The following HCRTR1 variants were observed in gnomAD, a reference collection of about 807,000 sequenced individuals.
HCRTR1 encodes the protein orexin/Hypocretin receptor type 1.
Under a neutral mutation model 40.6 loss-of-function variants are expected in HCRTR1, and 28 were observed. The ratio of observed to expected loss-of-function variants is 0.69; its 90% CI spans 0.51 to 0.95. HCRTR1 has a LOEUF of 0.95. Ranked by LOEUF, HCRTR1 falls within the 40% of genes least tolerant of loss-of-function variation. The pLI, the probability that HCRTR1 is intolerant of heterozygous loss-of-function variation, is 0.00. For missense variants in HCRTR1, 482 were observed against 564.7 expected, an observed-to-expected ratio of 0.85 and a Z score of 1.48; for synonymous variants, 209 against 230.0, an observed-to-expected ratio of 0.91 and a Z score of 0.83.
At chr1:31,632,387 T>G (rs763593675), downstream of HCRTR1, 4 of 1,562,990 alleles carry the variant, frequency 2.6e-6, no homozygotes, top group Admixed American at 1.7e-5. Context: ...CATTTTGTAG[T>G]GCAGGTGGAC....
chr1:31,622,624 G>T (rs148568212), intron 6 of HCRTR1, among the ~76,000 whole-genome samples: 2 of 152,304 alleles, frequency 1.3e-5, no homozygotes, highest in African/African-American at 4.8e-5. Flanking sequence ...CATAGCTCAC[G>T]AATGGCTGAG....
At position 31,623,708 on chromosome 1, in the gene HCRTR1, C is replaced by T. The variant is rs779965218; in HGVS notation, c.924C>T (p.Ala308=). Residue 308 remains alanine, a synonymous_variant, in exon 7 of 9, where the codon GCC becomes GCT. Coordinates refer to ENST00000403528, the MANE Select transcript of HCRTR1 (RefSeq NM_001525.3). The part of the protein sequence containing the change: ...KMLMVVLLVF[A]LCYLPISVLN... ...TGATGGTGGTGCTGCTGGTCTTCGCCCTCTGCTACCTGCCCATCAGCGTCC... is the reference window on the plus strand; with the variant it reads ...TGATGGTGGTGCTGCTGGTCTTCGCTCTCTGCTACCTGCCCATCAGCGTCC... 6.2e-7 allele frequency: 1 copy of T among 1,614,176 alleles called. No homozygotes were observed. Among genetic ancestry groups the T allele is most frequent in the South Asian group, 1.1e-5 (1 of 91,084 alleles).
At position 31,626,960 on chromosome 1, in the gene HCRTR1, G is replaced by A. The variant is rs377345441; in HGVS notation, c.1258G>A (p.Val420Ile). The A allele has an allele frequency of 7.5e-5, 121 of 1,612,526 alleles. No individual in the cohort carries two copies. Among genetic ancestry groups the A allele is most frequent in the Admixed American group, 1.0e-4 (6 of 59,988 alleles). ...CTCTGAGCATGTGGTGCTCACCAGC[G>A]TCACCACAGTGCTGCCCTGAGCGAG... ...KISEHVVLTS[V>I]TTVLP The change falls in exon 9 of 9, where the codon GTC (valine) becomes ATC (isoleucine). Residue 420 changes from valine to isoleucine, a missense_variant. Physicochemically the swap from Val to Ile is conservative, Grantham distance 29. Coordinates refer to ENST00000403528, the MANE Select transcript of HCRTR1 (RefSeq NM_001525.3). This position sits in a 1 kb window ranked among gnomAD's most constrained non-coding sequence, Gnocchi z 4.6.
chr1:31,629,635 T>C (rs541109027), downstream of HCRTR1, among the ~76,000 whole-genome samples: 12 of 152,288 alleles, frequency 7.9e-5, no homozygotes, highest in Non-Finnish European at 4.4e-5. Flanking sequence ...TGCTATGAAA[T>C]AGCTTCCTAA....
chr1:31,632,330 G>C, downstream of HCRTR1: 2 of 1,221,596 alleles, frequency 1.6e-6, no homozygotes, highest in African/African-American at 1.5e-5. Flanking sequence ...CAGTGCCCCA[G>C]CTGGGTCAAA....
Position 31,619,708 on chromosome 1 carries a change from C to T in HCRTR1, c.376C>T (p.Gln126Ter), listed in dbSNP as rs1316880316. ...HALCKVIPYLQAVSVSVAVLT... is the reference protein window; with the variant it reads ...HALCKVIPYL ...CCTCTGCAAGGTCATCCCCTATCTA[C>T]AGGTGAGCTCTGCCCAGGCACCCCT... Residue 126 changes from glutamine (Q) to a stop codon, truncating the protein, a stop_gained and splice_region_variant, in exon 4 of 9, where the codon CAG becomes TAG. Transcript: ENST00000403528. LOFTEE classifies it high-confidence loss of function. 3 of 1,592,680 alleles carry T rather than the reference C, an allele frequency of 1.9e-6. No individual in the cohort carries two copies. The highest frequency in any genetic ancestry group is 2.6e-6 in the Non-Finnish European group (3 of 1,167,030).
Position 31,621,605 on chromosome 1 carries a change from C to T in HCRTR1, c.738+13C>T, listed in dbSNP as rs1180587846. ...CTGGGGCCGCCAGGTGAGGCCCACT[C>T]TGGGCAGGGGCTAGGCCAGTCACTG... On this transcript the variant is annotated intron_variant, in intron 6 of 8. Coordinates refer to ENST00000403528, the MANE Select transcript of HCRTR1 (RefSeq NM_001525.3). The T allele has an allele frequency of 6.3e-7, 1 of 1,583,434 alleles. No individual in the cohort carries two copies.
chr1:31,621,708 C>A, intron 6 of HCRTR1, 116 bp downstream of exon 6: 1 of 757,738 alleles, frequency 1.3e-6, no homozygotes, highest in Non-Finnish European at 2.2e-6. Flanking sequence ...ATCTTGGCTG[C>A]AACCAAAGAG....
At chr1:31,628,473 G>C (rs1224398359), downstream of HCRTR1, among the ~76,000 whole-genome samples, 2 of 152,350 alleles carry the variant, frequency 1.3e-5, no homozygotes, top group Non-Finnish European at 2.9e-5. Flanking sequence ...ACAGTGCATA[G>C]GTAGGCTTGG....
chr1:31,627,471 C>A lies in HCRTR1; in HGVS notation c.*491C>A. 1.3e-6 allele frequency: 1 copy of A among 757,818 alleles called. No homozygotes were observed. The highest frequency in any genetic ancestry group is 2.0e-6 in the Non-Finnish European group (1 of 506,478). 46.9% of individuals were successfully genotyped at this position (757,818 alleles called of 1,614,324 possible). A position where few individuals can be genotyped will look rare whatever the true frequency, so the allele number is the denominator to read the frequency against. ...GCCTTTCTCCAGCGGGCCACGAGCA[C>A]AGCCCCACCCTAACCAGGTGCCAAG... On this transcript the variant is annotated 3_prime_UTR_variant, in exon 9 of 9. Coordinates refer to ENST00000403528, the MANE Select transcript of HCRTR1 (RefSeq NM_001525.3).
chr1:31,625,270 A>AG lies in HCRTR1; in HGVS notation c.1087+152_1087+153insG. On this transcript the variant is annotated intron_variant, in intron 8 of 8. Transcript: ENST00000403528. The surrounding 1 kb of genome is among the most constrained non-coding windows in gnomAD (Gnocchi z 4.2). ...ATCCTGCTCTGGGAGGACCCACCCC[A>AG]AGCGGCCCTGGCCTGAGTGGGAGAC... 1.0e-6 allele frequency: 1 copy of AG among 988,384 alleles called. No individual in the cohort carries two copies. The highest frequency in any genetic ancestry group is 1.4e-6 in the Non-Finnish European group (1 of 705,608). 61.2% of individuals were successfully genotyped at this position (988,384 alleles called of 1,614,324 possible).
At chr1:31,618,416 A>C (rs1466049043) in intron 1 of HCRTR1, among the ~76,000 whole-genome samples, 1 of 152,030 alleles carries the variant, frequency 6.6e-6, no homozygotes, top group Non-Finnish European at 1.5e-5. Flanking sequence ...CCCTCCGCGC[A>C]CCACCCCCAC....
downstream of HCRTR1, chr1:31,629,793 TGTACTTAAATA>T (rs1430404956): frequency 6.6e-6 from 1 of 152,238 alleles, no homozygotes; most frequent in Non-Finnish European, 1.5e-5. Context: ...GTGTATAGGA[TGTACTTAAATA>T]GTCACTGAAA....
Position 31,619,331 on chromosome 1 carries a change from T to C in HCRTR1, c.139T>C (p.Trp47Arg), listed in dbSNP as rs1186974313. 6.2e-7 allele frequency: 1 copy of C among 1,614,182 alleles called. No homozygotes were observed. The highest frequency in any genetic ancestry group is 2.2e-5 in the East Asian group (1 of 44,878). The change falls in exon 3 of 9, where the codon TGG becomes CGG. Residue 47 changes from tryptophan (W) to arginine (R), a missense_variant. Transcript: ENST00000403528. ...TTATCTGTACCCAAAACAGTATGAG[T>C]GGGTCCTCATCGCAGCCTATGTGGC... ...RDYLYPKQYE[W>R]VLIAAYVAVF...
At chr1:31,627,822 G>A (rs974479593), downstream of HCRTR1, among the ~76,000 whole-genome samples, 5 of 152,158 alleles carry the variant, frequency 3.3e-5, no homozygotes, top group African/African-American at 9.7e-5. Context: ...ATCCTGTGAC[G>A]CCGGGACCTC....
downstream of HCRTR1, among the ~76,000 whole-genome samples, chr1:31,633,721 C>T (rs529868144): frequency 9.7e-4 from 147 of 152,122 alleles, no homozygotes; most frequent in African/African-American, 3.4e-3. Flanking sequence ...TTTGGGAAGC[C>T]GAGGCAGGCG....
At chr1:31,621,191 C>T (rs1447983710) in intron 5 of HCRTR1, 105 bp downstream of exon 5, 19 of 1,433,956 alleles carry the variant, frequency 1.3e-5, no homozygotes, top group Non-Finnish European at 1.6e-5. Flanking sequence ...TGGGAAATCC[C>T]AGAGCAGGTA....
chr1:31,625,165 A>G lies in HCRTR1; in HGVS notation c.1087+47A>G, dbSNP rs1639949884. 6.5e-7 allele frequency: 1 copy of G among 1,540,106 alleles called. No individual in the cohort carries two copies. The highest frequency in any genetic ancestry group is 1.9e-5 in the Admixed American group (1 of 52,522). ...AATGACTGAGGGTGGCCAACAGTCC[A>G]CATGACAAGTCTCCCCATCCCCAAG... On this transcript the variant is annotated intron_variant, in intron 8 of 8. Transcript: ENST00000403528. The surrounding 1 kb of genome is among the most constrained non-coding windows in gnomAD (Gnocchi z 4.2).
intron 1 of HCRTR1, among the ~76,000 whole-genome samples, chr1:31,618,490 G>T (rs1298778435): frequency 6.6e-6 from 1 of 152,118 alleles, no homozygotes; most frequent in Non-Finnish European, 1.5e-5. Context: ...AGGTATGGCG[G>T]GTGGGGCTTG....
Sources: gnomAD v4.1 joint callset for allele counts (sites outside exome capture counted in the v4.1 genomes callset) on GRCh38, gnomAD v4.1.1 for gene constraint, Gnocchi (gnomAD v3.1) non-coding constraint, MANE v1.5 for transcripts, NCBI Gene and HGNC (gene_info 2026-07-23, HGNC 2026-07-21) for gene names.